Variants in SETBP1 observed in about 807,000 individuals in gnomAD.
SETBP1 encodes the protein SET binding protein 1, also known as SET-binding protein.
A neutral mutation model predicts 101.0 loss-of-function variants in SETBP1; 9 were observed. The ratio of observed to expected loss-of-function variants is 0.09; its 90% CI spans 0.05 to 0.16. The LOEUF is 0.16. SETBP1 is among the 10% of genes least tolerant of loss of function. SETBP1 has a pLI of 1.00. For missense variants in SETBP1, 1,858 were observed against 2,033.8 expected (o/e 0.91, Z 1.66); for synonymous variants, 818 against 788.5 (o/e 1.04, Z -0.63).
At chr18:44,802,101 G>A (rs772797794) in intron 2 of SETBP1, among the ~76,000 whole-genome samples, 5 of 152,130 alleles carry the variant, frequency 3.3e-5, no homozygotes, top group African/African-American at 9.7e-5. Context: ...GGCATACACC[G>A]TCCTCCAGGG....
At chr18:44,804,739 G>T (rs1054244341) in intron 2 of SETBP1, among the ~76,000 whole-genome samples, 6 of 152,088 alleles carry the variant, frequency 3.9e-5, no homozygotes, top group Non-Finnish European at 8.8e-5. Flanking sequence ...ATTATAAAGG[G>T]ATTTGGGGAC....
intron 1 of SETBP1, among the ~76,000 whole-genome samples, chr18:44,691,312 G>T (rs944337040): frequency 6.6e-6 from 1 of 152,262 alleles, no homozygotes; most frequent in South Asian, 2.1e-4. Context: ...AATTGATAAT[G>T]ACTGTAAAGA....
intron 2 of SETBP1, among the ~76,000 whole-genome samples, chr18:44,790,150 CT>C (rs1200560792): frequency 1.3e-5 from 2 of 152,182 alleles, no homozygotes; most frequent in African/African-American, 2.4e-5. Flanking sequence ...ACATGCCCCC[CT>C]GTCAGTTTTT....
At chr18:44,868,690 GAGAGAGAGGACGGAAGGAA>G (rs1568190315) in intron 2 of SETBP1, among the ~76,000 whole-genome samples, 1 of 126,980 alleles carries the variant, frequency 7.9e-6, no homozygotes. Context: ...GAGAGAGAGA[GAGAGAGAGGACGGAAGGAA>G]GGGAGGAAGG....
In SETBP1 at chr18:44,985,406, G is replaced by A. The variant is rs992678950; in HGVS notation, c.4000+32066G>A. 5.3e-5 allele frequency among the ~76,000 whole-genome samples: 8 copies of A among 152,188 alleles called. No homozygotes were observed. In the East Asian group the frequency reaches 1.2e-3, roughly 22 times the overall value. On this transcript the variant is annotated intron_variant, in intron 4 of 5. Transcript: ENST00000649279. ...TTCTCTGGAGCTATGCTATTCCTCT[G>A]TCTCTGTCTTAAGTGGCCCAGACAA...
At chr18:44,689,483 G>T (rs2068893546) in intron 1 of SETBP1, among the ~76,000 whole-genome samples, 1 of 152,108 alleles carries the variant, frequency 6.6e-6, no homozygotes, top group Non-Finnish European at 1.5e-5. Flanking sequence ...GCAAAAATTG[G>T]TTTGTTCATT....
Position 44,798,321 on chromosome 18 carries a change from G to A in SETBP1, c.487-70909G>A, listed in dbSNP as rs540125984. On this transcript the variant is annotated intron_variant, in intron 2 of 5. Transcript: ENST00000649279. Reference sequence around the variant, plus strand: ...CTCATAGATAGATCATTTAGTGGAAGCCATTCATTTTACTCATGAGAAAAT... The same window carrying A: ...CTCATAGATAGATCATTTAGTGGAAACCATTCATTTTACTCATGAGAAAAT... 1.1e-4 allele frequency among the ~76,000 whole-genome samples: 16 copies of A among 152,226 alleles called. No individual in the cohort carries two copies. The South Asian group carries it at 3.1e-3, about 30-fold the overall frequency.
At chr18:44,710,051 G>A (rs980041586) in intron 2 of SETBP1, among the ~76,000 whole-genome samples, 3 of 151,916 alleles carry the variant, frequency 2.0e-5, no homozygotes, top group Admixed American at 6.6e-5. Context: ...CTTCCTCATC[G>A]TTGCAATTTT....
chr18:44,823,831 G>T (rs1194085813), intron 2 of SETBP1, among the ~76,000 whole-genome samples: 1 of 152,158 alleles, frequency 6.6e-6, no homozygotes, highest in Non-Finnish European at 1.5e-5. Context: ...CACCCTCATT[G>T]TTCTGCTTAG....
intron 4 of SETBP1, among the ~76,000 whole-genome samples, chr18:44,983,264 G>A (rs1412969059): frequency 2.0e-5 from 3 of 152,142 alleles, no homozygotes; most frequent in East Asian, 1.9e-4. Context: ...ACAGGTACAC[G>A]TAGCCTCCTT....
intron 2 of SETBP1, among the ~76,000 whole-genome samples, chr18:44,861,993 T>G (rs886187775): frequency 1.3e-5 from 2 of 152,202 alleles, no homozygotes; most frequent in African/African-American, 4.8e-5. Flanking sequence ...GGAGGTCTCG[T>G]CTTTCATGTG....
At chr18:45,006,201 C>G (rs2072722772) in intron 4 of SETBP1, among the ~76,000 whole-genome samples, 1 of 152,074 alleles carries the variant, frequency 6.6e-6, no homozygotes. Flanking sequence ...ATCCTCCCAC[C>G]TTGGCCTCCT....
Position 45,013,983 on chromosome 18 carries a change from A to T in SETBP1, c.4001-24502A>T, listed in dbSNP as rs543368013. ...TTCTTCTCAGGTTCTGCCTTAATTCAATAATCCATTCACTCTTTCATTCAA... is the reference window on the plus strand; with the variant it reads ...TTCTTCTCAGGTTCTGCCTTAATTCTATAATCCATTCACTCTTTCATTCAA... On this transcript the variant is annotated intron_variant, in intron 4 of 5. Coordinates refer to ENST00000649279, the MANE Select transcript of SETBP1 (RefSeq NM_015559.3). Among the ~76,000 whole-genome samples the T allele has an allele frequency of 4.6e-5, 7 of 152,318 alleles. No homozygotes were observed. In the East Asian group the frequency reaches 1.3e-3, roughly 29 times the overall value.
intron 2 of SETBP1, among the ~76,000 whole-genome samples, chr18:44,858,805 T>C (rs2073024023): frequency 6.6e-6 from 1 of 152,226 alleles, no homozygotes; most frequent in African/African-American, 2.4e-5. Context: ...CCTGTGGTAA[T>C]AGAGATGGCT....
intron 2 of SETBP1, among the ~76,000 whole-genome samples, chr18:44,791,384 A>T (rs2071368279): frequency 6.6e-6 from 1 of 152,188 alleles, no homozygotes; most frequent in African/African-American, 2.4e-5. Context: ...AAATTCTCTT[A>T]CTGTAATGTT....
intron 4 of SETBP1, among the ~76,000 whole-genome samples, chr18:44,982,108 G>A (rs1405548525): frequency 6.6e-6 from 1 of 152,244 alleles, no homozygotes; most frequent in East Asian, 1.9e-4. Context: ...TTGATTGTGT[G>A]AACTGAAGTT....
At chr18:44,858,589 G>T (rs1308949329) in intron 2 of SETBP1, among the ~76,000 whole-genome samples, 3 of 152,282 alleles carry the variant, frequency 2.0e-5, no homozygotes, top group South Asian at 2.1e-4. Flanking sequence ...TATTTATTTT[G>T]TGAAGGTTGT....
At chr18:44,858,001 G>T (rs1195669033) in intron 2 of SETBP1, among the ~76,000 whole-genome samples, 1 of 152,124 alleles carries the variant, frequency 6.6e-6, no homozygotes, top group African/African-American at 2.4e-5. Context: ...ACATAGCCCA[G>T]AAAAGGAGAG....
intron 2 of SETBP1, among the ~76,000 whole-genome samples, chr18:44,808,569 C>T (rs1390118522): frequency 1.3e-5 from 2 of 152,098 alleles, no homozygotes; most frequent in African/African-American, 2.4e-5. Flanking sequence ...GCACATGCGT[C>T]GACAGAAAAG....
Sources: gnomAD v4.1 joint callset for allele counts (sites outside exome capture counted in the v4.1 genomes callset) on GRCh38, gnomAD v4.1.1 for gene constraint, MANE v1.5 for transcripts, NCBI Gene and HGNC (gene_info 2026-07-23, HGNC 2026-07-21) for gene names.